FAM98A: variants seen among roughly 807,000 people sequenced by gnomAD.
FAM98A encodes the protein protein FAM98A.
FAM98A carries 25 observed loss-of-function variants against 62.9 expected under a neutral mutation model. The ratio of observed to expected loss-of-function variants is 0.40; its 90% CI spans 0.29 to 0.56. The LOEUF is 0.56. Among genes scored for constraint, FAM98A ranks in the 20% least tolerant of loss-of-function variants. The probability of loss-of-function intolerance (pLI) is 0.51; values close to 1 mark genes in which losing one functional copy is unlikely to be tolerated. For synonymous variants in FAM98A, 252 were observed against 228.6 expected, an observed-to-expected ratio of 1.10 and a Z score of -0.92; for missense variants, 653 against 640.7, an observed-to-expected ratio of 1.02 and a Z score of -0.21.
Position 33,586,624 on chromosome 2 carries a change from T to C in FAM98A, c.658A>G (p.Lys220Glu). 1.2e-6 allele frequency: 2 copies of C among 1,613,986 alleles called. No individual in the cohort carries two copies. Among genetic ancestry groups the C allele is most frequent in the Non-Finnish European group, 1.7e-6 (2 of 1,179,902 alleles). ...ACATCCAAACGTTTTATTAGCAGCT[T>C]TCTCCGGACTTCATATTCATTGGCT... ...AIANEYEVRR[K>E]LLIKRLDVTV... The change falls in exon 6 of 8, where the codon AAG becomes GAG. Residue 220 changes from lysine (K) to glutamate (E), a missense_variant. Coordinates refer to ENST00000238823, the MANE Select transcript of FAM98A (RefSeq NM_015475.5).
At chr2:33,597,303 G>C (rs1677835023) in intron 1 of FAM98A, among the ~76,000 whole-genome samples, 1 of 152,084 alleles carries the variant, frequency 6.6e-6, no homozygotes, top group Non-Finnish European at 1.5e-5. Context: ...AGACCAGCCT[G>C]GTCACCAGAG....
intron 4 of FAM98A, chr2:33,588,071 T>C (rs530327877): frequency 4.6e-6 from 2 of 435,362 alleles, no homozygotes; most frequent in East Asian, 5.0e-5. Context: ...TTTTACATTA[T>C]ATCTAGCTTA....
intron 2 of FAM98A, among the ~76,000 whole-genome samples, chr2:33,593,524 A>AT (rs750081596): frequency 6.6e-6 from 1 of 152,246 alleles, no homozygotes; most frequent in Non-Finnish European, 1.5e-5. Context: ...CCCACAGCAT[A>AT]TAAAAAAAGG....
At chr2:33,597,142 C>T (rs1305353921) in intron 1 of FAM98A, among the ~76,000 whole-genome samples, 2 of 152,188 alleles carry the variant, frequency 1.3e-5, no homozygotes, top group South Asian at 2.1e-4. Flanking sequence ...ATTTAGACTT[C>T]ATTAGTTTAT....
At chr2:33,596,355 A>C (rs1677811161) in intron 1 of FAM98A, among the ~76,000 whole-genome samples, 1 of 152,188 alleles carries the variant, frequency 6.6e-6, no homozygotes, top group Admixed American at 6.5e-5. Flanking sequence ...GCAGTTAATG[A>C]ACTGGCGCAT....
chr2:33,589,801 T>C (rs1264314984), intron 3 of FAM98A: 4 of 152,194 alleles, frequency 2.6e-5, no homozygotes, highest in Admixed American at 1.3e-4. Flanking sequence ...CATTTATATA[T>C]TGTCTATGGC....
intron 1 of FAM98A, 59 bp downstream of exon 1, chr2:33,599,110 G>A (rs1677893684): frequency 2.1e-6 from 3 of 1,402,274 alleles, no homozygotes; most frequent in Non-Finnish European, 3.0e-6. Context: ...GGGCGCAGGA[G>A]GTGTTCCCAG....
intron 2 of FAM98A, among the ~76,000 whole-genome samples, chr2:33,592,888 G>A (rs1031351284): frequency 6.6e-6 from 1 of 152,116 alleles, no homozygotes; most frequent in African/African-American, 2.4e-5. Flanking sequence ...TCTCCTCACT[G>A]TCCCATGAAT....
chr2:33,587,266 T>G lies in FAM98A; in HGVS notation c.577A>C (p.Lys193Gln). The G allele has an allele frequency of 1.2e-6, 2 of 1,613,192 alleles. No homozygotes were observed. The highest frequency in any genetic ancestry group is 1.7e-6 in the Non-Finnish European group (2 of 1,179,170). The change falls in exon 5 of 8, where the codon AAG (lysine) becomes CAG (glutamine). Residue 193 changes from lysine (K) to glutamine (Q), a missense_variant. Physicochemically the swap from Lys to Gln is moderately conservative, Grantham distance 53. Transcript: ENST00000238823. Reference protein sequence around the residue: ...PPNHVGKPLLKKPMGPAHWEK... With the variant: ...PPNHVGKPLLQKPMGPAHWEK... ...CAGTGGGCTGGTCCCATTGGCTTCTTCAGTAAAGGCTTTCCCACATGATTA... is the reference window on the plus strand; with the variant it reads ...CAGTGGGCTGGTCCCATTGGCTTCTGCAGTAAAGGCTTTCCCACATGATTA...
intron 2 of FAM98A, among the ~76,000 whole-genome samples, chr2:33,594,749 T>C (rs1263449148): frequency 6.6e-6 from 1 of 151,330 alleles, no homozygotes; most frequent in Non-Finnish European, 1.5e-5. Context: ...AGGTGAGCTC[T>C]TCAAAACGTG....
intron 4 of FAM98A, chr2:33,587,760 C>A: frequency 5.9e-6 from 1 of 170,132 alleles, no homozygotes; most frequent in Non-Finnish European, 1.3e-5. Flanking sequence ...CTCTTCTACT[C>A]ATTTTTGTTA....
intron 3 of FAM98A, 198 bp from the exon 4 acceptor site, chr2:33,588,717 T>C: frequency 2.5e-6 from 1 of 398,310 alleles, no homozygotes; most frequent in Non-Finnish European, 4.4e-6. Flanking sequence ...ATTTAAGCGA[T>C]ATATAATGTT....
rs17013462 is a variant in FAM98A, at chr2:33,591,877, T to C, written c.337+203A>G. On this transcript the variant is annotated intron_variant, in intron 3 of 7. Coordinates refer to ENST00000238823, the MANE Select transcript of FAM98A (RefSeq NM_015475.5). ...CACTGAGGCTGAAATATTGAAAGAG[T>C]ATCAGTTACAAAAACAATAATGCTA... 3.5e-3 allele frequency: 1,533 copies of C among 438,084 alleles called. 17 individuals carry two copies. The highest frequency in any genetic ancestry group is 0.027 in the African/African-American group (1,386 of 51,064). 27.1% of individuals were successfully genotyped at this position (438,084 alleles called of 1,614,324 possible).
At position 33,587,237 on chromosome 2, in the gene FAM98A, C is replaced by T. The variant is rs759346706; in HGVS notation, c.603+3G>A. 1.9e-6 allele frequency: 3 copies of T among 1,576,538 alleles called. No homozygotes were observed. The highest frequency in any genetic ancestry group is 1.1e-5 in the South Asian group (1 of 90,308). On this transcript the variant is annotated splice_donor_region_variant and intron_variant, in intron 5 of 7. Transcript: ENST00000238823. The stretch of plus-strand genomic sequence containing the variant: ...AAGTTTACTCAAGATGATTACTACT[C>T]ACCCAGTGGGCTGGTCCCATTGGCT...
chr2:33,587,546 C>T (rs1251793774), intron 4 of FAM98A: 2 of 502,066 alleles, frequency 4.0e-6, no homozygotes, highest in Admixed American at 3.2e-5. Flanking sequence ...TGCCTGACAA[C>T]AGTAGGCACT....
At position 33,583,914 on chromosome 2, in the gene FAM98A, T is replaced by G. The variant is rs546878680; in HGVS notation, c.*862A>C. ...TGCATTTCTTCCATTACAAAAAAAG[T>G]TACCTGCTTAAAGCAAACTAACTTG... On this transcript the variant is annotated 3_prime_UTR_variant, in exon 8 of 8. Transcript: ENST00000238823. The G allele has an allele frequency of 6.5e-6, 1 of 152,672 alleles. No individual in the cohort carries two copies. The highest frequency in any genetic ancestry group is 1.5e-5 in the Non-Finnish European group (1 of 68,038). 9.5% of individuals were successfully genotyped at this position (152,672 alleles called of 1,614,324 possible).
rs188507755 is a variant in FAM98A at position 33,597,785 on chromosome 2, G to C, written c.53+1384C>G. Among the ~76,000 whole-genome samples, 15 of 152,120 alleles carry C rather than the reference G, an allele frequency of 9.9e-5. No homozygotes were observed. In the East Asian group the frequency reaches 2.7e-3, roughly 27 times the overall value. On this transcript the variant is annotated intron_variant, in intron 1 of 7. Coordinates refer to ENST00000238823, the MANE Select transcript of FAM98A (RefSeq NM_015475.5). ...ATTTCATTTCCTTTCCCAGTAAAGGGACCCTCCTCAGGGCTCCTCACAGCA... is the reference window on the plus strand; with the variant it reads ...ATTTCATTTCCTTTCCCAGTAAAGGCACCCTCCTCAGGGCTCCTCACAGCA...
intron 3 of FAM98A, 200 bp from the exon 4 acceptor site, chr2:33,588,719 T>C (rs1011206195): frequency 1.0e-5 from 4 of 393,128 alleles, no homozygotes; most frequent in South Asian, 1.7e-4. Context: ...TTAAGCGATA[T>C]ATAATGTTTA....
At chr2:33,591,478 G>C (rs1445711497) in intron 3 of FAM98A, among the ~76,000 whole-genome samples, 1 of 152,064 alleles carries the variant, frequency 6.6e-6, no homozygotes, top group Non-Finnish European at 1.5e-5. Flanking sequence ...ACAGTAGTAA[G>C]TATGTAAAAA....
Sources: allele counts gnomAD v4.1 joint callset (sites outside exome capture counted in the v4.1 genomes callset), GRCh38; gene constraint gnomAD v4.1.1; transcripts MANE v1.5; gene names NCBI Gene and HGNC (gene_info 2026-07-23, HGNC 2026-07-21).